CHD7: variants seen among roughly 807,000 people sequenced by gnomAD.
CHD7 encodes chromodomain helicase DNA binding protein 7.
A neutral mutation model predicts 307.3 loss-of-function variants in CHD7; 24 were observed. That is an observed-to-expected ratio of 0.08 (90% confidence interval 0.06 to 0.11). The LOEUF is 0.11. CHD7 is among the 10% of genes least tolerant of loss of function. The probability of loss-of-function intolerance (pLI) is 1.00; values close to 1 mark genes in which losing one functional copy is unlikely to be tolerated. For missense variants in CHD7, 3,106 were observed against 3,727.1 expected (o/e 0.83, Z 4.34); for synonymous variants, 1,363 against 1,349.9 (o/e 1.01, Z -0.21).
At chr8:60,748,766 A>G (rs1563567720) in intron 2 of CHD7, among the ~76,000 whole-genome samples, 1 of 152,184 alleles carries the variant, frequency 6.6e-6, no homozygotes, top group Non-Finnish European at 1.5e-5. Context: ...AATTTTTAGG[A>G]TCTGCAACAA....
chr8:60,745,099 C>T (rs1313945795), intron 2 of CHD7, among the ~76,000 whole-genome samples: 1 of 151,742 alleles, frequency 6.6e-6, no homozygotes, highest in East Asian at 2.0e-4. Context: ...GGCAGAACGC[C>T]TCTCCTCAAA....
chr8:60,824,889 A>G (rs1337675773), intron 13 of CHD7: 3 of 151,958 alleles, frequency 2.0e-5, no homozygotes, highest in Non-Finnish European at 2.9e-5. Context: ...GCTGTGTGTG[A>G]TTTCCTAGTG....
chr8:60,832,812 C>T (rs1804579197), intron 15 of CHD7, among the ~76,000 whole-genome samples: 1 of 152,136 alleles, frequency 6.6e-6, no homozygotes, highest in Admixed American at 6.5e-5. Flanking sequence ...TGATTGCTTT[C>T]CAGGGTCATC....
At chr8:60,781,617 G>A (rs913277843) in intron 3 of CHD7, among the ~76,000 whole-genome samples, 187 bp downstream of exon 3, 2 of 152,124 alleles carry the variant, frequency 1.3e-5, no homozygotes, top group Admixed American at 6.5e-5. Flanking sequence ...AGGACTTATT[G>A]TTGTGAACTG....
chr8:60,680,709 C>T (rs1038284032), intron 1 of CHD7, among the ~76,000 whole-genome samples: 3 of 152,112 alleles, frequency 2.0e-5, no homozygotes, highest in East Asian at 1.9e-4. Flanking sequence ...GTTTTTTTCC[C>T]CCTCTTCTGA....
At chr8:60,808,870 G>C (rs1812659174) in intron 7 of CHD7, 1 of 152,282 alleles carries the variant, frequency 6.6e-6, no homozygotes. Flanking sequence ...TGATGAGCTA[G>C]GATGTTTTCA....
At chr8:60,747,229 C>T (rs1184266449) in intron 2 of CHD7, among the ~76,000 whole-genome samples, 1 of 151,824 alleles carries the variant, frequency 6.6e-6, no homozygotes, top group Non-Finnish European at 1.5e-5. Flanking sequence ...GCACCCGCCA[C>T]CACGCCCAGC....
chr8:60,837,592 T>C, intron 17 of CHD7, 76 bp from the exon 18 acceptor site: 1 of 1,282,716 alleles, frequency 7.8e-7, no homozygotes, highest in Non-Finnish European at 1.1e-6. Flanking sequence ...GAATGAGGGT[T>C]TCAGCATATG....
chr8:60,846,077 T>C (rs1805196903), intron 23 of CHD7, among the ~76,000 whole-genome samples: 1 of 152,252 alleles, frequency 6.6e-6, no homozygotes, highest in Non-Finnish European at 1.5e-5. Flanking sequence ...ATTGTGTGTA[T>C]ATGCCACGTT....
chr8:60,800,366 C>T, intron 4 of CHD7, 22 bp from the exon 5 acceptor site: 1 of 1,609,232 alleles, frequency 6.2e-7, no homozygotes, highest in Non-Finnish European at 8.5e-7. Context: ...TTCAAGGCCA[C>T]TGTCTTGGGT....
intron 2 of CHD7, among the ~76,000 whole-genome samples, chr8:60,779,837 G>A (rs1019220353): frequency 3.3e-5 from 5 of 152,116 alleles, no homozygotes; most frequent in African/African-American, 4.8e-5. Flanking sequence ...GTACCTCCTC[G>A]GACAAGTTAC....
intron 4 of CHD7, among the ~76,000 whole-genome samples, chr8:60,799,800 G>A (rs1356509831): frequency 6.6e-6 from 1 of 152,138 alleles, no homozygotes; most frequent in Non-Finnish European, 1.5e-5. Context: ...CATACTGACT[G>A]ACTGAGGAAC....
intron 7 of CHD7, among the ~76,000 whole-genome samples, chr8:60,809,913 G>A (rs1462124936): frequency 6.6e-6 from 1 of 152,102 alleles, no homozygotes; most frequent in Non-Finnish European, 1.5e-5. Flanking sequence ...GTTGCTAAGG[G>A]GTGATTTACT....
Position 60,865,216 on chromosome 8 carries a change from G to C in CHD7, c.8277G>C (p.Gln2759His), listed in dbSNP as rs750806167. 1.2e-6 allele frequency: 2 copies of C among 1,608,452 alleles called. No homozygotes were observed. Among genetic ancestry groups the C allele is most frequent in the Admixed American group, 1.7e-5 (1 of 59,238 alleles). ...LFAGMDLTSL[Q>H]NLQNLQSLQL... ...CTGGAATGGACCTGACGAGCCTTCA[G>C]AATCTCCAGAATCTCCAGTCGCTCC... Residue 2759 changes from glutamine (Q) to histidine (H), a missense_variant, in exon 38 of 38, where the codon CAG becomes CAC. Coordinates refer to ENST00000423902, the MANE Select transcript of CHD7 (RefSeq NM_017780.4). The surrounding 1 kb of genome is among the most constrained non-coding windows in gnomAD (Gnocchi z 4.3).
At chr8:60,706,070 CA>C (rs890782211) in intron 1 of CHD7, among the ~76,000 whole-genome samples, 1 of 151,620 alleles carries the variant, frequency 6.6e-6, no homozygotes, top group African/African-American at 2.4e-5. Flanking sequence ...TAAAAGGATA[CA>C]TTTTTTTTTT....
intron 35 of CHD7, chr8:60,861,925 G>T: frequency 4.1e-6 from 1 of 242,558 alleles, no homozygotes; most frequent in Non-Finnish European, 8.0e-6. Flanking sequence ...AAAGTATCAT[G>T]ACTTGGTTAA....
intron 1 of CHD7, among the ~76,000 whole-genome samples, chr8:60,735,808 T>G (rs1218954351): frequency 6.6e-6 from 1 of 152,218 alleles, no homozygotes; most frequent in African/African-American, 2.4e-5. Flanking sequence ...GTGCTTTCCA[T>G]GTAATTTTCT....
Position 60,852,540 on chromosome 8 carries a change from C to T in CHD7, c.5937C>T (p.Ser1979=). ...REEADFYRVV[S]TFGVIFDPVK... ...AGGCTGATTTTTACCGTGTGGTATC[C>T]ACCTTTGGGGTTATTTTTGACCCTG... is the stretch of plus-strand genomic sequence containing the variant. The change falls in exon 30 of 38, where the codon TCC becomes TCT. Residue 1979 remains serine (S), a synonymous_variant. Coordinates refer to ENST00000423902, the MANE Select transcript of CHD7 (RefSeq NM_017780.4). 1 of 1,613,874 alleles carries T rather than the reference C, an allele frequency of 6.2e-7. No individual in the cohort carries two copies. The highest frequency in any genetic ancestry group is 8.5e-7 in the Non-Finnish European group (1 of 1,179,826).
At chr8:60,805,585 T>C (rs1812498926) in intron 6 of CHD7, among the ~76,000 whole-genome samples, 1 of 152,194 alleles carries the variant, frequency 6.6e-6, no homozygotes, top group Non-Finnish European at 1.5e-5. Flanking sequence ...TGGGGACAGA[T>C]GGCTGTAAGA....
Sources: allele counts gnomAD v4.1 joint callset (sites outside exome capture counted in the v4.1 genomes callset), GRCh38; gene constraint gnomAD v4.1.1; non-coding constraint Gnocchi (gnomAD v3.1); transcripts MANE v1.5; gene names NCBI Gene and HGNC (gene_info 2026-07-23, HGNC 2026-07-21).